The following KIAA1549 variants were observed in gnomAD, a reference collection of about 807,000 sequenced individuals.
KIAA1549 encodes the protein UPF0606 protein KIAA1549.
In KIAA1549, 70 loss-of-function variants were observed where a neutral mutation model predicts 156.4. The observed-to-expected ratio is 0.45, with a 90% CI of 0.37 to 0.55. The LOEUF is 0.55. Ranked by LOEUF, KIAA1549 falls within the 20% of genes least tolerant of loss-of-function variation. KIAA1549 has a pLI of 0.00. For synonymous variants in KIAA1549, 1,103 were observed against 1,066.4 expected (o/e 1.03, Z -0.67); for missense variants, 2,428 against 2,540.9 (o/e 0.96, Z 0.96).
chr7:138,934,286 T>C (rs148934907), intron 1 of KIAA1549, among the ~76,000 whole-genome samples: 9 of 151,854 alleles, frequency 5.9e-5, no homozygotes, highest in Non-Finnish European at 1.2e-4. Flanking sequence ...ACCTGAAAAT[T>C]ACTACCATGG....
At chr7:138,921,105 G>C (rs1812551990) in intron 1 of KIAA1549, among the ~76,000 whole-genome samples, 1 of 152,206 alleles carries the variant, frequency 6.6e-6, no homozygotes. Flanking sequence ...TGTTAGCCTA[G>C]ATAAGGAAAG....
intron 1 of KIAA1549, among the ~76,000 whole-genome samples, chr7:138,925,687 G>A (rs1224224392): frequency 6.6e-6 from 1 of 151,692 alleles, no homozygotes; most frequent in Non-Finnish European, 1.5e-5. Context: ...AAAATTAAGT[G>A]AGCATGGTGG....
chr7:138,962,824 A>T lies in KIAA1549; in HGVS notation c.187+18259T>A, dbSNP rs574196895. On this transcript the variant is annotated intron_variant, in intron 1 of 19. Coordinates refer to ENST00000422774, the MANE Select transcript of KIAA1549 (RefSeq NM_001164665.2). Reference sequence around the variant, plus strand: ...AGGGTGATTTGTTATGCAGCAATAGATAACCAAAATGAGGCTCCCCTTTAG... The same window carrying T: ...AGGGTGATTTGTTATGCAGCAATAGTTAACCAAAATGAGGCTCCCCTTTAG... 3.6e-4 allele frequency among the ~76,000 whole-genome samples: 55 copies of T among 152,320 alleles called. 2 individuals carry two copies. In the South Asian group the frequency reaches 0.011, roughly 30 times the overall value.
chr7:138,886,016 AG>A (rs202095401), intron 10 of KIAA1549, among the ~76,000 whole-genome samples: 2,382 of 151,930 alleles, frequency 0.016, 42 homozygotes, highest in Non-Finnish European at 0.026. Context: ...GTGTGAGGAA[AG>A]CCCCCCCCCA....
intron 1 of KIAA1549, among the ~76,000 whole-genome samples, chr7:138,929,999 G>A (rs1179800778): frequency 6.6e-6 from 1 of 152,166 alleles, no homozygotes; most frequent in Non-Finnish European, 1.5e-5. Context: ...TTCTTATATA[G>A]TAAGACTTGA....
At chr7:138,974,157 A>G (rs1040485432) in intron 1 of KIAA1549, among the ~76,000 whole-genome samples, 2 of 152,238 alleles carry the variant, frequency 1.3e-5, no homozygotes, top group Admixed American at 1.3e-4. Context: ...CAGCATCCCT[A>G]ATCATTAGGG....
In KIAA1549 at chr7:138,879,631, A is replaced by G; in HGVS notation, c.4252T>C (p.Ser1418Pro). ...TCGCTGGACTCTTCACTGACCGTAG[A>G]GTCAGCATCTGAGGGAGAAACTCTG... ...RGRVSPSDADSTVSEESSERD... is the reference protein window; with the variant it reads ...RGRVSPSDADPTVSEESSERD... Residue 1418 changes from serine (S) to proline (P), a missense_variant, in exon 12 of 20, where the codon TCT becomes CCT. Ser to Pro is a moderately conservative substitution (Grantham distance 74, BLOSUM62 -1). Around this residue, in one of 5 missense-constraint regions of KIAA1549, gnomAD observed 404 missense variants for 417.0 expected, o/e 0.97. Transcript: ENST00000422774. 6.4e-7 allele frequency: 1 copy of G among 1,554,002 alleles called. No homozygotes were observed. The highest frequency in any genetic ancestry group is 8.7e-7 in the Non-Finnish European group (1 of 1,149,338).
chr7:138,902,496 C>T (rs1324444021), intron 8 of KIAA1549, among the ~76,000 whole-genome samples: 1 of 152,080 alleles, frequency 6.6e-6, no homozygotes, highest in Non-Finnish European at 1.5e-5. Context: ...GAAAAAAATC[C>T]ACATAATTCA....
chr7:138,965,111 C>T (rs550569549), intron 1 of KIAA1549, among the ~76,000 whole-genome samples: 1 of 152,024 alleles, frequency 6.6e-6, no homozygotes, highest in African/African-American at 2.4e-5. Context: ...AGAGGAATTA[C>T]GGAGGCGGTT....
Position 138,906,918 on chromosome 7 carries a change from C to G in KIAA1549, c.3460+1G>C. On this transcript the variant is annotated splice_donor_variant, in intron 6 of 19. Coordinates refer to ENST00000422774, the MANE Select transcript of KIAA1549 (RefSeq NM_001164665.2). LOFTEE classifies it high-confidence loss of function. Reference sequence around the variant, plus strand: ...AGCATGTCCAAGAGGGCTGTACTCACGCTCTGCGATCTGCAGCACTGGGTA... The same window carrying G: ...AGCATGTCCAAGAGGGCTGTACTCAGGCTCTGCGATCTGCAGCACTGGGTA... 1 of 1,588,082 alleles carries G rather than the reference C, an allele frequency of 6.3e-7. No individual in the cohort carries two copies. The highest frequency in any genetic ancestry group is 8.6e-7 in the Non-Finnish European group (1 of 1,169,102).
chr7:138,885,301 G>A lies in KIAA1549; in HGVS notation c.4033-3717C>T, dbSNP rs536733342. Among the ~76,000 whole-genome samples the A allele has an allele frequency of 1.3e-4, 20 of 152,258 alleles. No homozygotes were observed. In the East Asian group the frequency reaches 2.3e-3, roughly 18 times the overall value. ...AGTAACAATGCGGAAGGGGTCCCAC[G>A]TAGGGCAGAACAATTGTTCTGAGAA... On this transcript the variant is annotated intron_variant, in intron 10 of 19. Transcript: ENST00000422774.
chr7:138,975,256 T>G (rs755829955), intron 1 of KIAA1549, among the ~76,000 whole-genome samples: 1 of 151,984 alleles, frequency 6.6e-6, no homozygotes, highest in Admixed American at 6.6e-5. Flanking sequence ...AGAGAAAGAA[T>G]AAGAGAAAGC....
chr7:138,857,810 A>C (rs1810437010), intron 16 of KIAA1549, among the ~76,000 whole-genome samples: 1 of 152,198 alleles, frequency 6.6e-6, no homozygotes, highest in African/African-American at 2.4e-5. Flanking sequence ...CCAGCTTTCT[A>C]TGATTAGTGT....
At chr7:138,979,667 C>T (rs1394656561) in intron 1 of KIAA1549, among the ~76,000 whole-genome samples, 9 of 152,218 alleles carry the variant, frequency 5.9e-5, no homozygotes, top group Admixed American at 3.3e-4. Context: ...ATCTCTTCTC[C>T]TCTGGACACA....
intron 8 of KIAA1549, among the ~76,000 whole-genome samples, chr7:138,902,486 GA>G (rs999164408): frequency 4.6e-5 from 7 of 152,050 alleles, no homozygotes; most frequent in South Asian, 2.1e-4. Flanking sequence ...AGTTGGTAAA[GA>G]AAAAAATCCA....
At chr7:138,902,899 G>C (rs1018394335) in intron 8 of KIAA1549, among the ~76,000 whole-genome samples, 2 of 152,044 alleles carry the variant, frequency 1.3e-5, no homozygotes, top group East Asian at 3.9e-4. Context: ...GAGAATTCAT[G>C]GGGAAAAAAG....
intron 17 of KIAA1549, among the ~76,000 whole-genome samples, chr7:138,845,053 A>T (rs1311430966): frequency 1.3e-5 from 2 of 152,070 alleles, no homozygotes; most frequent in Non-Finnish European, 2.9e-5. Context: ...TTTTATCTCC[A>T]GACCTCTTTT....
At position 138,883,983 on chromosome 7, in the gene KIAA1549, C is replaced by T. The variant is rs371719457; in HGVS notation, c.4033-2399G>A. ...GTAGCTGCAGGATGGGGGCTGCTCACCACAGAGCCCCAGGCATGATACAAG... is the reference window on the plus strand; with the variant it reads ...GTAGCTGCAGGATGGGGGCTGCTCATCACAGAGCCCCAGGCATGATACAAG... On this transcript the variant is annotated intron_variant, in intron 10 of 19. Coordinates refer to ENST00000422774, the MANE Select transcript of KIAA1549 (RefSeq NM_001164665.2). Among the ~76,000 whole-genome samples, 4 of 152,268 alleles carry T rather than the reference C, an allele frequency of 2.6e-5. No individual in the cohort carries two copies. The East Asian group carries it at 7.7e-4, about 29-fold the overall frequency.
intron 1 of KIAA1549, among the ~76,000 whole-genome samples, chr7:138,929,781 C>G (rs1198936199): frequency 6.6e-6 from 1 of 152,160 alleles, no homozygotes; most frequent in Non-Finnish European, 1.5e-5. Context: ...CCTTGAACTC[C>G]TGGGCTCAAG....
Sources: gnomAD v4.1 joint callset for allele counts (sites outside exome capture counted in the v4.1 genomes callset) on GRCh38, gnomAD v4.1.1 for gene constraint, gnomAD v4.1.1 regional missense constraint, MANE v1.5 for transcripts, NCBI Gene and HGNC (gene_info 2026-07-23, HGNC 2026-07-21) for gene names.